The following CXADR variants were observed in gnomAD, a reference collection of about 807,000 sequenced individuals.
CXADR encodes the protein coxsackievirus and adenovirus receptor.
A neutral mutation model predicts 40.3 loss-of-function variants in CXADR; 20 were observed. The ratio of observed to expected loss-of-function variants is 0.50; its 90% CI spans 0.35 to 0.72. The LOEUF (loss-of-function observed/expected upper bound fraction) is 0.72. Ranked by LOEUF, CXADR falls within the 30% of genes least tolerant of loss-of-function variation. CXADR has a pLI of 0.01. For missense variants in CXADR, 332 were observed against 449.1 expected (o/e 0.74, Z 2.36); for synonymous variants, 150 against 161.3 (o/e 0.93, Z 0.53).
At chr21:17,617,792 C>T in the CXADR span, among the ~76,000 whole-genome samples, 2 of 151,990 alleles carry the variant, frequency 1.3e-5, no homozygotes, top group Non-Finnish European at 2.9e-5. Flanking sequence ...TGATGAAGGT[C>T]GGGGTGGCTG....
At chr21:17,562,481 C>G (rs1321241796) in intron 6 of CXADR, among the ~76,000 whole-genome samples, 2 of 152,180 alleles carry the variant, frequency 1.3e-5, no homozygotes, top group Admixed American at 1.3e-4. Flanking sequence ...GCCACCACAC[C>G]TGACTAATTC....
At chr21:17,604,651 T>A in the CXADR span, among the ~76,000 whole-genome samples, 3 of 152,330 alleles carry the variant, frequency 2.0e-5, no homozygotes, top group South Asian at 4.1e-4. Flanking sequence ...AACCCCCGCC[T>A]AATCAGTTTC....
the CXADR span, among the ~76,000 whole-genome samples, chr21:17,611,422 G>C: frequency 9.2e-5 from 14 of 152,218 alleles, no homozygotes; most frequent in African/African-American, 3.4e-4. Flanking sequence ...AAGAAGGAAA[G>C]AACCACTTAG....
the CXADR span, among the ~76,000 whole-genome samples, chr21:17,631,717 A>AT: frequency 6.6e-6 from 1 of 152,284 alleles, no homozygotes; most frequent in South Asian, 2.1e-4. Flanking sequence ...TATTGCTGTC[A>AT]TTTTATACAT....
At chr21:17,602,090 T>C in the CXADR span, among the ~76,000 whole-genome samples, 1 of 152,082 alleles carries the variant, frequency 6.6e-6, no homozygotes, top group African/African-American at 2.4e-5. Context: ...AAGGCTAATT[T>C]AGTTATTTAG....
intron 1 of CXADR, among the ~76,000 whole-genome samples, chr21:17,536,863 TCTC>T (rs1326275233): frequency 6.6e-6 from 1 of 152,068 alleles, no homozygotes; most frequent in Non-Finnish European, 1.5e-5. Flanking sequence ...TTCAAGCAAT[TCTC>T]CTGCCTCAGC....
chr21:17,553,174 C>T lies in CXADR; in HGVS notation c.415+1221C>T, dbSNP rs145475155. Among the ~76,000 whole-genome samples the T allele has an allele frequency of 5.4e-3, 824 of 152,268 alleles. 9 individuals carry two copies. The highest frequency in any genetic ancestry group is 0.019 in the African/African-American group (789 of 41,568). On this transcript the variant is annotated intron_variant, in intron 3 of 6. Transcript: ENST00000284878. The stretch of plus-strand genomic sequence containing the variant: ...CTGACCTCAGGTGATCCACCCACCT[C>T]GGCCACCCAGAGTGCTGAGATTACA...
At chr21:17,598,521 C>T, downstream of CXADR, 2 of 1,036,720 alleles carry the variant, frequency 1.9e-6, no homozygotes, top group Non-Finnish European at 2.8e-6. Flanking sequence ...TCCAGAATCT[C>T]AAGTCAGAAA....
chr21:17,594,712 G>C (rs187986393), downstream of CXADR, among the ~76,000 whole-genome samples: 299 of 152,150 alleles, frequency 2.0e-3, 2 homozygotes, highest in Admixed American at 3.6e-3. Flanking sequence ...ATTGGAGCTG[G>C]AGGCCATTAT....
At chr21:17,621,233 G>A in the CXADR span, among the ~76,000 whole-genome samples, 1 of 152,132 alleles carries the variant, frequency 6.6e-6, no homozygotes, top group Non-Finnish European at 1.5e-5. Context: ...ATGATAAATA[G>A]GTTTTAAAAC....
At position 17,569,382 on chromosome 21, in the gene CXADR, A is replaced by G; in HGVS notation, c.*3690A>G. On this transcript the variant is annotated 3_prime_UTR_variant, in exon 7 of 7. Transcript: ENST00000284878. Reference sequence around the variant, plus strand: ...CATTATATATTATATATATATATGTACATATATCTTTATAACATTCCTGTG... The same window carrying G: ...CATTATATATTATATATATATATGTGCATATATCTTTATAACATTCCTGTG... The G allele has an allele frequency of 1.0e-6, 1 of 980,166 alleles. No individual in the cohort carries two copies. Among genetic ancestry groups the G allele is most frequent in the Non-Finnish European group, 1.2e-6 (1 of 825,958 alleles). 60.7% of individuals were successfully genotyped at this position (980,166 alleles called of 1,614,324 possible).
rs1601021291 is a variant in CXADR, at chr21:17,560,690, C to T, written c.572-12C>T. The T allele has an allele frequency of 6.2e-7, 1 of 1,608,624 alleles. No homozygotes were observed. The highest frequency in any genetic ancestry group is 1.3e-5 in the African/African-American group (1 of 74,784). On this transcript the variant is annotated splice_polypyrimidine_tract_variant and intron_variant, in intron 4 of 6. Transcript: ENST00000284878. ...TAAAAATGAGTTTGTTTTCTTTTTCCTCCTTCCATAGAAATGACTTCATCT... is the reference window on the plus strand; with the variant it reads ...TAAAAATGAGTTTGTTTTCTTTTTCTTCCTTCCATAGAAATGACTTCATCT...
chr21:17,528,073 T>C lies in CXADR; in HGVS notation c.43+14901T>C, dbSNP rs1171972847. Among the ~76,000 whole-genome samples, 1,318 of 135,214 alleles carry C rather than the reference T, an allele frequency of 9.7e-3. 8 individuals carry two copies. The highest frequency in any genetic ancestry group is 0.034 in the African/African-American group (1,204 of 35,924). 88.7% of individuals were successfully genotyped at this position (135,214 alleles called of 152,430 possible). A position where few individuals can be genotyped will look rare whatever the true frequency, so the allele number is the denominator to read the frequency against. ...CTCCTTATGCTTAGTTCTTTCTTTTTTTTTTTTTTTTTTTTTTTGAGACAG... is the reference window on the plus strand; with the variant it reads ...CTCCTTATGCTTAGTTCTTTCTTTTCTTTTTTTTTTTTTTTTTTGAGACAG... On this transcript the variant is annotated intron_variant, in intron 1 of 6. Transcript: ENST00000284878.
chr21:17,620,380 A>G, the CXADR span, among the ~76,000 whole-genome samples: 8 of 152,234 alleles, frequency 5.3e-5, no homozygotes, highest in African/African-American at 1.9e-4. Flanking sequence ...GAACACATGT[A>G]ACATTTATCT....
the CXADR span, chr21:17,604,744 G>A: frequency 7.9e-7 from 1 of 1,266,076 alleles, no homozygotes. Flanking sequence ...ACATCTGAGA[G>A]AGTTAAACCA....
At chr21:17,538,414 G>A (rs2060787017) in intron 1 of CXADR, among the ~76,000 whole-genome samples, 1 of 152,274 alleles carries the variant, frequency 6.6e-6, no homozygotes, top group African/African-American at 2.4e-5. Context: ...AGGTGCTAGA[G>A]GGTGGCTAGT....
intron 1 of CXADR, among the ~76,000 whole-genome samples, chr21:17,541,854 G>A (rs1360514401): frequency 2.0e-5 from 3 of 152,094 alleles, no homozygotes; most frequent in African/African-American, 4.8e-5. Flanking sequence ...AGGTAAATTT[G>A]ATCGTTTGAT....
intron 7 of CXADR, among the ~76,000 whole-genome samples, chr21:17,585,675 G>A (rs917766914): frequency 1.4e-4 from 21 of 151,980 alleles, no homozygotes; most frequent in African/African-American, 3.9e-4. Context: ...GTGCCACTAC[G>A]CCCAGCTAAT....
chr21:17,630,882 G>A, the CXADR span, among the ~76,000 whole-genome samples: 2 of 152,056 alleles, frequency 1.3e-5, no homozygotes, highest in Non-Finnish European at 2.9e-5. Context: ...TTCCAGGAAG[G>A]TAATGGATTA....
Sources: allele counts gnomAD v4.1 joint callset (sites outside exome capture counted in the v4.1 genomes callset), GRCh38; gene constraint gnomAD v4.1.1; transcripts MANE v1.5; gene names NCBI Gene and HGNC (gene_info 2026-07-23, HGNC 2026-07-21).